The following RBFOX1 variants were observed in gnomAD, a reference collection of about 807,000 sequenced individuals.
The protein encoded by RBFOX1 is RNA binding protein fox-1 homolog 1.
A neutral mutation model predicts 57.7 loss-of-function variants in RBFOX1; 8 were observed. The observed-to-expected ratio is 0.14, with a 90% CI of 0.08 to 0.25. RBFOX1 has a LOEUF of 0.25. RBFOX1 is among the 10% of genes least tolerant of loss of function. RBFOX1 has a pLI of 1.00. For missense variants in RBFOX1, 611 were observed against 548.5 expected (o/e 1.11, Z -1.14); for synonymous variants, 326 against 222.4 (o/e 1.47, Z -4.15).
At chr16:6,085,425 G>C (rs924085340) in intron 1 of RBFOX1, among the ~76,000 whole-genome samples, 1 of 152,002 alleles carries the variant, frequency 6.6e-6, no homozygotes, top group Non-Finnish European at 1.5e-5. Context: ...GGTATGCGCC[G>C]CTATGCCCAG....
At chr16:5,845,004 G>A (rs894479442) in intron 3 of RBFOX1, among the ~76,000 whole-genome samples, 5 of 151,798 alleles carry the variant, frequency 3.3e-5, no homozygotes, top group Non-Finnish European at 5.9e-5. Flanking sequence ...CCCAGCACTT[G>A]GTTTGTAATG....
intron 3 of RBFOX1, among the ~76,000 whole-genome samples, chr16:5,746,514 A>G (rs7191723): frequency 0.14 from 20,936 of 152,174 alleles, 1,578 homozygotes; most frequent in African/African-American, 0.16. Flanking sequence ...CATTGAATCT[A>G]TAAATTACCT....
intron 3 of RBFOX1, among the ~76,000 whole-genome samples, chr16:6,867,643 C>CG (rs2060170457): frequency 6.6e-6 from 1 of 152,062 alleles, no homozygotes. Context: ...CGCTTGAACC[C>CG]GGGAGGCAGA....
chr16:5,279,284 C>T (rs796405856), intron 1 of RBFOX1, among the ~76,000 whole-genome samples: 13 of 151,154 alleles, frequency 8.6e-5, no homozygotes, highest in African/African-American at 2.7e-4. Flanking sequence ...TTTTCATTGT[C>T]GAGGTTTTTT....
intron 1 of RBFOX1, among the ~76,000 whole-genome samples, chr16:6,209,491 C>G (rs900170134): frequency 2.0e-5 from 3 of 152,340 alleles, no homozygotes; most frequent in South Asian, 2.1e-4. Context: ...CACGTAACCT[C>G]TCCGGTATCA....
In RBFOX1 at chr16:6,355,065, T is replaced by C. The variant is rs112425745; in HGVS notation, c.-64+38008T>C. 7.0e-3 allele frequency among the ~76,000 whole-genome samples: 1,067 copies of C among 152,308 alleles called. 9 individuals carry two copies. The highest frequency in any genetic ancestry group is 0.023 in the African/African-American group (935 of 41,554). On this transcript the variant is annotated intron_variant, in intron 2 of 15. Coordinates refer to ENST00000550418, the MANE Select transcript of RBFOX1 (RefSeq NM_018723.4). The stretch of plus-strand genomic sequence containing the variant: ...AAAGAACACACTTAGCATCCTCATC[T>C]TGGTTTCTAAGACCATTCTCCAATA...
intron 1 of RBFOX1, among the ~76,000 whole-genome samples, chr16:6,232,266 A>G (rs2152906364): frequency 6.6e-6 from 1 of 152,266 alleles, no homozygotes; most frequent in East Asian, 1.9e-4. Context: ...ACCAGGAGGG[A>G]CCTCATCTCT....
intron 3 of RBFOX1, among the ~76,000 whole-genome samples, chr16:6,885,977 C>G (rs974596497): frequency 6.6e-6 from 1 of 152,096 alleles, no homozygotes; most frequent in Non-Finnish European, 1.5e-5. Context: ...GAATCACAAA[C>G]CACATGGACT....
At chr16:5,328,447 G>A (rs912980803) in intron 1 of RBFOX1, among the ~76,000 whole-genome samples, 16 of 152,220 alleles carry the variant, frequency 1.1e-4, no homozygotes, top group African/African-American at 3.9e-4. Flanking sequence ...TGTAATTTAA[G>A]CCACCTAGTC....
intron 2 of RBFOX1, among the ~76,000 whole-genome samples, chr16:6,521,871 A>G (rs1380057762): frequency 1.3e-5 from 2 of 152,154 alleles, no homozygotes; most frequent in Non-Finnish European, 2.9e-5. Context: ...TGAAGTCCTT[A>G]TCACTGGCCC....
At chr16:7,706,586 A>G (rs773165092) in intron 14 of RBFOX1, among the ~76,000 whole-genome samples, 9 of 152,226 alleles carry the variant, frequency 5.9e-5, no homozygotes, top group Non-Finnish European at 1.2e-4. Flanking sequence ...TTTTAAAATA[A>G]TATATCTGAA....
chr16:7,177,008 A>T (rs979649368), intron 4 of RBFOX1, among the ~76,000 whole-genome samples: 7 of 152,226 alleles, frequency 4.6e-5, no homozygotes, highest in African/African-American at 1.7e-4. Context: ...TCACTACCCC[A>T]TGAAGTCTCA....
At position 7,340,007 on chromosome 16, in the gene RBFOX1, C is replaced by T. The variant is rs928580143; in HGVS notation, c.28-178140C>T. 1.1e-4 allele frequency among the ~76,000 whole-genome samples: 16 copies of T among 152,278 alleles called. No individual in the cohort carries two copies. In the South Asian group the frequency reaches 2.3e-3, roughly 22 times the overall value. ...CTCATCTCCTTTTAGAAATTCTCTT[C>T]CCAACTATTCCAGCAAGAATTCCAG... On this transcript the variant is annotated intron_variant, in intron 4 of 15. Transcript: ENST00000550418.
At chr16:5,785,941 C>G (rs1056347318) in intron 3 of RBFOX1, among the ~76,000 whole-genome samples, 1 of 152,178 alleles carries the variant, frequency 6.6e-6, no homozygotes, top group African/African-American at 2.4e-5. Context: ...AAACCACCCC[C>G]CATTTCCATT....
At chr16:6,409,329 G>A (rs2093383738) in intron 2 of RBFOX1, among the ~76,000 whole-genome samples, 2 of 152,114 alleles carry the variant, frequency 1.3e-5, no homozygotes, top group Admixed American at 6.5e-5. Context: ...CAGGAGAATC[G>A]CTTGAACCTG....
chr16:5,927,375 C>A (rs915344253), intron 4 of RBFOX1, among the ~76,000 whole-genome samples: 80 of 152,260 alleles, frequency 5.3e-4, no homozygotes, highest in African/African-American at 1.9e-3. Context: ...CTCTAGGCAC[C>A]AATGGCTTTT....
At chr16:6,602,092 T>C (rs2097860080) in intron 2 of RBFOX1, among the ~76,000 whole-genome samples, 1 of 152,096 alleles carries the variant, frequency 6.6e-6, no homozygotes, top group Non-Finnish European at 1.5e-5. Flanking sequence ...ATTCCCTAAG[T>C]TGTTTATTGG....
intron 1 of RBFOX1, among the ~76,000 whole-genome samples, chr16:5,272,383 C>G (rs957569798): frequency 5.3e-5 from 8 of 152,150 alleles, no homozygotes; most frequent in Non-Finnish European, 8.8e-5. Flanking sequence ...GTAACTTGTT[C>G]AAAGCCCCAT....
rs115970739 is a variant in RBFOX1 at position 7,024,160 on chromosome 16, C to T, written c.-15-27897C>T. Among the ~76,000 whole-genome samples, 691 of 152,204 alleles carry T rather than the reference C, an allele frequency of 4.5e-3. 9 individuals are homozygous for T. Among genetic ancestry groups the T allele is most frequent in the African/African-American group, 0.016 (662 of 41,540 alleles). On this transcript the variant is annotated intron_variant, in intron 3 of 15. Transcript: ENST00000550418. ...GTTATCATATTAAAGATTGTAAAAG[C>T]ATCTAGTAATCATTTAATAAATATT...
Sources: gnomAD v4.1 joint callset for allele counts (sites outside exome capture counted in the v4.1 genomes callset) on GRCh38, gnomAD v4.1.1 for gene constraint, MANE v1.5 for transcripts, NCBI Gene and HGNC (gene_info 2026-07-23, HGNC 2026-07-21) for gene names.